The following SAXO1 variants were observed in gnomAD, a reference collection of about 807,000 sequenced individuals.
The protein encoded by SAXO1 is 4930500O09Rik.
In SAXO1, 21 loss-of-function variants were observed where a neutral mutation model predicts 17.5. The observed-to-expected ratio is 1.20, with a 90% CI of 0.85 to 1.72. The LOEUF (loss-of-function observed/expected upper bound fraction) is 1.72. Ranked by LOEUF, SAXO1 falls within the 40% of genes most tolerant of loss-of-function variation. The pLI, the probability that SAXO1 is intolerant of heterozygous loss-of-function variation, is 0.00. For missense variants in SAXO1, 843 were observed against 596.0 expected, an observed-to-expected ratio of 1.41 and a Z score of -4.32; for synonymous variants, 274 against 216.5, an observed-to-expected ratio of 1.27 and a Z score of -2.33.
At chr9:18,957,157 T>C (rs1015777862) in intron 1 of SAXO1, among the ~76,000 whole-genome samples, 3 of 152,210 alleles carry the variant, frequency 2.0e-5, no homozygotes, top group African/African-American at 7.2e-5. Context: ...GACATCCTCC[T>C]CTTTCCCACT....
rs116475820 is a variant in SAXO1, at chr9:18,995,933, G to A, written c.38+36938C>T. On this transcript the variant is annotated intron_variant, in intron 1 of 3. Transcript: ENST00000380534. ...CATCTTACCAAAAATACAACAACTA[G>A]CTGGAAGTGGTGGTGTACGCCTGTA... Among the ~76,000 whole-genome samples the A allele has an allele frequency of 3.2e-3, 481 of 152,112 alleles. 2 individuals are homozygous for A. Among genetic ancestry groups the A allele is most frequent in the African/African-American group, 0.011 (443 of 41,490 alleles).
chr9:18,978,821 A>C lies in SAXO1; in HGVS notation c.39-27884T>G, dbSNP rs150179173. Among the ~76,000 whole-genome samples, 457 of 152,354 alleles carry C rather than the reference A, an allele frequency of 3.0e-3. 8 individuals carry two copies. The South Asian group carries it at 0.045, about 15-fold the overall frequency. The stretch of plus-strand genomic sequence containing the variant: ...ATAATTTGCCCAAGAGCCAAGATCC[A>C]ACCCCATGTTGAGCAGACACCAAAA... On this transcript the variant is annotated intron_variant, in intron 1 of 3. Transcript: ENST00000380534.
At chr9:18,969,032 G>A (rs550142403) in intron 1 of SAXO1, among the ~76,000 whole-genome samples, 48 of 134,506 alleles carry the variant, frequency 3.6e-4, no homozygotes, top group Middle Eastern at 3.7e-3. Flanking sequence ...GCTGGAAATG[G>A]GGGCCCACTC....
intron 1 of SAXO1, among the ~76,000 whole-genome samples, chr9:18,953,325 T>C (rs1400009096): frequency 2.0e-5 from 3 of 152,192 alleles, no homozygotes; most frequent in African/African-American, 4.8e-5. Context: ...TCCATATTGT[T>C]ACTTTTAAAA....
At chr9:19,004,476 T>A (rs1369712040) in intron 1 of SAXO1, among the ~76,000 whole-genome samples, 1 of 152,136 alleles carries the variant, frequency 6.6e-6, no homozygotes, top group East Asian at 1.9e-4. Context: ...CAAATGTCCA[T>A]CAATAATAGA....
chr9:18,927,967 G>T lies in SAXO1; in HGVS notation c.*85C>A. 1 of 1,419,436 alleles carries T rather than the reference G, an allele frequency of 7.0e-7. No individual in the cohort carries two copies. The highest frequency in any genetic ancestry group is 9.4e-7 in the Non-Finnish European group (1 of 1,064,698). 87.9% of individuals were successfully genotyped at this position (1,419,436 alleles called of 1,614,324 possible). A position where few individuals can be genotyped will look rare whatever the true frequency, so the allele number is the denominator to read the frequency against. On this transcript the variant is annotated 3_prime_UTR_variant, in exon 4 of 4. Coordinates refer to ENST00000380534, the MANE Select transcript of SAXO1 (RefSeq NM_153707.4). ...TTGTTTTTTGTTTTTTGTCATTTTA[G>T]GGAATTCTTTTTTGTCCAACAAATA...
At chr9:19,039,980 C>G (rs1450750433) in intron 1 of SAXO1, among the ~76,000 whole-genome samples, 1 of 152,176 alleles carries the variant, frequency 6.6e-6, no homozygotes, top group Non-Finnish European at 1.5e-5. Context: ...CTGCCCGCCT[C>G]GGCCTCTCAA....
At chr9:18,947,483 T>G (rs1053797501) in intron 2 of SAXO1, among the ~76,000 whole-genome samples, 1 of 152,160 alleles carries the variant, frequency 6.6e-6, no homozygotes, top group Non-Finnish European at 1.5e-5. Flanking sequence ...TGTGCCTCCA[T>G]TCCACTCTAC....
chr9:19,042,883 A>G (rs1258663627), intron 1 of SAXO1, among the ~76,000 whole-genome samples: 3 of 152,138 alleles, frequency 2.0e-5, no homozygotes, highest in Non-Finnish European at 4.4e-5. Context: ...AGAAAGAAAG[A>G]AAATGTGGCC....
intron 1 of SAXO1, among the ~76,000 whole-genome samples, chr9:18,991,377 T>C (rs1833805136): frequency 6.6e-6 from 1 of 152,196 alleles, no homozygotes; most frequent in Non-Finnish European, 1.5e-5. Context: ...CATGGAATAC[T>C]ATGCAGCCAT....
Position 18,928,126 on chromosome 9 carries a change from A to G in SAXO1, c.1351T>C (p.Ser451Pro). Residue 451 changes from serine to proline, a missense_variant, in exon 4 of 4, where the codon TCT becomes CCT. Coordinates refer to ENST00000380534, the MANE Select transcript of SAXO1 (RefSeq NM_153707.4). ...RIYKPVSQAG[S>P]QQSSHLSVDD... ...ACAGAAAGATGGCTGCTCTGCTGAG[A>G]GCCTGCCTGGGAAACTGGTTTGTAT... 1 of 1,614,186 alleles carries G rather than the reference A, an allele frequency of 6.2e-7. No homozygotes were observed. The highest frequency in any genetic ancestry group is 8.5e-7 in the Non-Finnish European group (1 of 1,180,026).
intron 1 of SAXO1, among the ~76,000 whole-genome samples, chr9:19,013,892 G>A (rs10757020): frequency 6.6e-6 from 1 of 151,924 alleles, no homozygotes; most frequent in Non-Finnish European, 1.5e-5. Context: ...CAGCCAATAT[G>A]CACTTTTTAG....
intron 1 of SAXO1, among the ~76,000 whole-genome samples, chr9:18,968,511 A>G (rs1313722934): frequency 8.5e-5 from 13 of 152,224 alleles, no homozygotes; most frequent in Admixed American, 8.5e-4. Flanking sequence ...GGGGAGAAAT[A>G]GAAAGTGAAA....
At chr9:18,968,983 G>A (rs1275924268) in intron 1 of SAXO1, among the ~76,000 whole-genome samples, 1 of 152,070 alleles carries the variant, frequency 6.6e-6, no homozygotes, top group Non-Finnish European at 1.5e-5. Context: ...TGGGATTGAT[G>A]GATGAACCCA....
chr9:18,930,441 C>A (rs1187967257), intron 3 of SAXO1, among the ~76,000 whole-genome samples: 1 of 151,926 alleles, frequency 6.6e-6, no homozygotes, highest in Non-Finnish European at 1.5e-5. Context: ...GACTGAAAGT[C>A]TAGGTGAGAA....
chr9:19,047,681 G>C lies in SAXO1; in HGVS notation c.-158+1528C>G, dbSNP rs377120214. ...GACTACTGGCTGCTAAAAGACGATGGAGCAACAGAGCAATGCCTCCAAGAC... is the reference window on the plus strand; with the variant it reads ...GACTACTGGCTGCTAAAAGACGATGCAGCAACAGAGCAATGCCTCCAAGAC... On this transcript the variant is annotated intron_variant, in intron 1 of 3. Transcript: ENST00000542071. 3.3e-5 allele frequency among the ~76,000 whole-genome samples: 5 copies of C among 152,274 alleles called. No homozygotes were observed. In the East Asian group the frequency reaches 9.6e-4, roughly 29 times the overall value.
At chr9:18,949,468 T>A (rs550302219) in intron 2 of SAXO1, among the ~76,000 whole-genome samples, 2,538 of 152,102 alleles carry the variant, frequency 0.017, 78 homozygotes, top group African/African-American at 0.058. Flanking sequence ...AAAAAAAAAT[T>A]TTTTTTAAGT....
intron 1 of SAXO1, among the ~76,000 whole-genome samples, chr9:18,960,982 G>A (rs945289991): frequency 7.9e-4 from 120 of 152,192 alleles, no homozygotes; most frequent in African/African-American, 2.7e-3. Context: ...CATCTTCATA[G>A]GGACTTGGGT....
At position 18,965,407 on chromosome 9, in the gene SAXO1, G is replaced by C. The variant is rs141265999; in HGVS notation, c.39-14470C>G. ...TCTAAGTCTCTTTGTAGGTCTCCTA[G>C]AACTTGCTTTATGAATCTGGGTGCT... On this transcript the variant is annotated intron_variant, in intron 1 of 3. Coordinates refer to ENST00000380534, the MANE Select transcript of SAXO1 (RefSeq NM_153707.4). Among the ~76,000 whole-genome samples the C allele has an allele frequency of 3.8e-3, 586 of 152,290 alleles. 2 individuals carry two copies. Among genetic ancestry groups the C allele is most frequent in the African/African-American group, 0.013 (560 of 41,558 alleles).
Sources: gnomAD v4.1 joint callset for allele counts (sites outside exome capture counted in the v4.1 genomes callset) on GRCh38, gnomAD v4.1.1 for gene constraint, MANE v1.5 for transcripts, NCBI Gene and HGNC (gene_info 2026-07-23, HGNC 2026-07-21) for gene names.